SWI5: variants seen among roughly 807,000 people sequenced by gnomAD.
The protein encoded by SWI5 is DNA repair protein SWI5 homolog.
Under a neutral mutation model 17.0 loss-of-function variants are expected in SWI5, and 12 were observed. The observed-to-expected ratio is 0.71, with a 90% CI of 0.45 to 1.14. The LOEUF is 1.14. Among genes scored for constraint, SWI5 ranks in the 50% most tolerant of loss-of-function variants. SWI5 has a pLI of 0.00. For missense variants in SWI5, 158 were observed against 162.2 expected (o/e 0.97, Z 0.14); for synonymous variants, 61 against 64.0 (o/e 0.95, Z 0.22).
At chr9:128,275,770 C>G, upstream of SWI5, 1 of 607,718 alleles carries the variant, frequency 1.6e-6, no homozygotes, top group South Asian at 2.2e-5. Context: ...GTGGAGGGAG[C>G]CCGGACGCGC....
chr9:128,275,924 C>G (rs200191287), upstream of SWI5: 2 of 1,588,634 alleles, frequency 1.3e-6, no homozygotes, highest in Non-Finnish European at 1.7e-6. Context: ...TTTGCTCTGT[C>G]GGGTTTCTTC....
chr9:128,280,237 C>G (rs1357667377), intron 2 of SWI5, among the ~76,000 whole-genome samples: 1 of 152,108 alleles, frequency 6.6e-6, no homozygotes, highest in Non-Finnish European at 1.5e-5. Flanking sequence ...ACACCTGCTC[C>G]AAGTTCTGAC....
intron 1 of SWI5, 79 bp downstream of exon 1, chr9:128,276,481 C>A: frequency 1.3e-6 from 2 of 1,583,248 alleles, no homozygotes; most frequent in Non-Finnish European, 1.7e-6. Flanking sequence ...CCAGAAATCA[C>A]CTCCAAAGAC....
Position 128,286,440 on chromosome 9 carries a change from T to C in SWI5, c.328+407T>C, listed in dbSNP as rs182864180. ...TATTTTGTTTCCTCCCTGAACAAAATCTTGCTATCTAGAGGGCTTTAGCCG... is the reference window on the plus strand; with the variant it reads ...TATTTTGTTTCCTCCCTGAACAAAACCTTGCTATCTAGAGGGCTTTAGCCG... On this transcript the variant is annotated intron_variant, in intron 4 of 4. Coordinates refer to ENST00000418976, the Ensembl canonical transcript of SWI5. 414 of 173,470 alleles carry C rather than the reference T, an allele frequency of 2.4e-3. 2 individuals are homozygous for C. Among genetic ancestry groups the C allele is most frequent in the African/African-American group, 9.1e-3 (388 of 42,546 alleles). The allele number at this position is 173,470 out of a possible 1,614,324, so 10.7% of individuals were successfully genotyped here.
At chr9:128,288,883 G>T in exon 5 of SWI5, 2 of 698,380 alleles carry the variant, frequency 2.9e-6, no homozygotes, top group South Asian at 3.6e-5. Flanking sequence ...GAAGAGGCGG[G>T]CAGGGAGGAA....
chr9:128,285,713 C>T lies in SWI5; in HGVS notation c.234-226C>T, dbSNP rs139765786. Among the ~76,000 whole-genome samples, 305 of 152,314 alleles carry T rather than the reference C, an allele frequency of 2.0e-3. 1 individual carries two copies. The highest frequency in any genetic ancestry group is 9.0e-3 in the Admixed American group (138 of 15,300). On this transcript the variant is annotated intron_variant, in intron 3 of 4. Transcript: ENST00000418976. The surrounding 1 kb of genome is among the most constrained non-coding windows in gnomAD (Gnocchi z 4.8). Reference sequence around the variant, plus strand: ...CACATGGTACCACTGTGGCTGGCAACCCCACCCTAAGGAGACAGGGCACAT... The same window carrying T: ...CACATGGTACCACTGTGGCTGGCAATCCCACCCTAAGGAGACAGGGCACAT...
rs374803657 is a variant in SWI5, at chr9:128,286,063, C to T, written c.328+30C>T. Reference sequence around the variant, plus strand: ...GTAGTTGGGACTCCAGAGCCACAAGCAGGCATCATAGGGTGTCGTCTCGCC... The same window carrying T: ...GTAGTTGGGACTCCAGAGCCACAAGTAGGCATCATAGGGTGTCGTCTCGCC... On this transcript the variant is annotated intron_variant, in intron 4 of 4. Transcript: ENST00000418976. The T allele has an allele frequency of 1.8e-4, 271 of 1,538,572 alleles. No homozygotes were observed. The African/African-American group carries it at 2.1e-3, about 12-fold the overall frequency.
intron 2 of SWI5, among the ~76,000 whole-genome samples, chr9:128,280,968 A>T (rs1478083707): frequency 6.8e-6 from 1 of 148,078 alleles, no homozygotes; most frequent in Non-Finnish European, 1.5e-5. Context: ...TGCTGCCAGG[A>T]TCCCCATGGA....
At chr9:128,280,341 T>G (rs1289048333) in intron 2 of SWI5, among the ~76,000 whole-genome samples, 1 of 151,982 alleles carries the variant, frequency 6.6e-6, no homozygotes, top group Non-Finnish European at 1.5e-5. Context: ...CTGCAGAATC[T>G]TTGCCTTCCC....
chr9:128,284,004 G>A (rs1012694871), intron 2 of SWI5, among the ~76,000 whole-genome samples: 9 of 150,990 alleles, frequency 6.0e-5, no homozygotes, highest in Non-Finnish European at 4.4e-5. Flanking sequence ...AAAAAAAAAT[G>A]TTGTGGGGTG....
intron 4 of SWI5, among the ~76,000 whole-genome samples, chr9:128,287,129 GA>G (rs1831653372): frequency 9.8e-6 from 1 of 102,436 alleles, no homozygotes; most frequent in African/African-American, 4.0e-5. Context: ...CAACAGGAGC[GA>G]AACTCCATCT....
At chr9:128,286,755 A>G (rs1337786927) in intron 4 of SWI5, among the ~76,000 whole-genome samples, 1 of 152,104 alleles carries the variant, frequency 6.6e-6, no homozygotes, top group Non-Finnish European at 1.5e-5. Flanking sequence ...GGAGGAGAGG[A>G]AAAAACTGGA....
chr9:128,276,259 G>C lies in SWI5; in HGVS notation c.-82G>C. On this transcript the variant is annotated 5_prime_UTR_variant, in exon 1 of 5. Coordinates refer to ENST00000418976, the Ensembl canonical transcript of SWI5. ...GGGCCGGCTTTCCTTGGGTGCGCGC[G>C]CAGCTTTCTGTGCGCCAGTTCACAC... The C allele has an allele frequency of 6.2e-7, 1 of 1,612,568 alleles. No homozygotes were observed. Among genetic ancestry groups the C allele is most frequent in the Non-Finnish European group, 8.5e-7 (1 of 1,179,490 alleles).
At chr9:128,281,803 G>A (rs963593055) in intron 2 of SWI5, among the ~76,000 whole-genome samples, 3 of 152,218 alleles carry the variant, frequency 2.0e-5, no homozygotes, top group Non-Finnish European at 2.9e-5. Flanking sequence ...GGCCAGGTGC[G>A]GTGGCTCATG....
upstream of SWI5, chr9:128,276,161 C>T: frequency 3.2e-6 from 5 of 1,570,764 alleles, no homozygotes; most frequent in Non-Finnish European, 4.3e-6. Context: ...GCGGCGTGGC[C>T]AGAGGGACCT....
At chr9:128,288,905 A>G in exon 5 of SWI5, 1 of 612,972 alleles carries the variant, frequency 1.6e-6, no homozygotes, top group Non-Finnish European at 2.9e-6. Flanking sequence ...GGGCGTTCCC[A>G]GCTCCAAGGT....
chr9:128,276,801 C>T (rs761667094), intron 2 of SWI5, 46 bp downstream of exon 2: 2 of 1,558,498 alleles, frequency 1.3e-6, no homozygotes, highest in African/African-American at 1.4e-5. Flanking sequence ...CTCGACCTTC[C>T]CTTGTGCGCT....
Position 128,288,576 on chromosome 9 carries a change from C to A in SWI5, c.329-76C>A, listed in dbSNP as rs963853142. The A allele has an allele frequency of 5.9e-6, 9 of 1,535,692 alleles. No individual in the cohort carries two copies. The African/African-American group carries it at 1.1e-4, about 19-fold the overall frequency. ...GGTCCTGGGTGGGTCAGGGCAGTGA[C>A]ACTGGCTCGGGGCATTGGCTGTACT... On this transcript the variant is annotated intron_variant, in intron 4 of 4. Transcript: ENST00000418976.
In SWI5 at chr9:128,285,967, C is replaced by A. The variant is rs780177680; in HGVS notation, c.262C>A (p.His88Asn). The change falls in exon 4 of 5, where the codon CAC becomes AAC. Residue 88 changes from histidine to asparagine, a missense_variant. His to Asn is a moderately conservative substitution (Grantham distance 68). Coordinates refer to ENST00000418976, the Ensembl canonical transcript of SWI5. This position sits in a 1 kb window ranked among gnomAD's most constrained non-coding sequence, Gnocchi z 4.8. ...CTACAGTGTGGATGAACTGGAGGACCACATTACCCAGCTTCACGAGTACAA... is the reference window on the plus strand; with the variant it reads ...CTACAGTGTGGATGAACTGGAGGACAACATTACCCAGCTTCACGAGTACAA... 6 of 1,614,080 alleles carry A rather than the reference C, an allele frequency of 3.7e-6. No individual in the cohort carries two copies. Among genetic ancestry groups the A allele is most frequent in the Middle Eastern group, 1.6e-4 (1 of 6,062 alleles).
Sources: gnomAD v4.1 joint callset for allele counts (sites outside exome capture counted in the v4.1 genomes callset) on GRCh38, gnomAD v4.1.1 for gene constraint, Gnocchi (gnomAD v3.1) non-coding constraint, MANE v1.5 for transcripts, NCBI Gene and HGNC (gene_info 2026-07-23, HGNC 2026-07-21) for gene names.